The following ADGRA1 variants were observed in gnomAD, a reference collection of about 807,000 sequenced individuals.
ADGRA1 encodes the protein G-protein coupled receptor 123.
Under a neutral mutation model 21.3 loss-of-function variants are expected in ADGRA1, and 12 were observed. The ratio of observed to expected loss-of-function variants is 0.56; its 90% CI spans 0.36 to 0.91. The LOEUF is 0.91. Ranked by LOEUF, ADGRA1 falls within the 40% of genes least tolerant of loss-of-function variation. The pLI, the probability that ADGRA1 is intolerant of heterozygous loss-of-function variation, is 0.01. For synonymous variants in ADGRA1, 385 were observed against 368.8 expected (o/e 1.04, Z -0.50); for missense variants, 790 against 805.6 (o/e 0.98, Z 0.23).
At chr10:133,121,280 A>G (rs1192960186) in intron 5 of ADGRA1, among the ~76,000 whole-genome samples, 1 of 152,234 alleles carries the variant, frequency 6.6e-6, no homozygotes, top group Non-Finnish European at 1.5e-5. Flanking sequence ...CGGGGTTCCC[A>G]CAGCCTCCAC....
intron 4 of ADGRA1, among the ~76,000 whole-genome samples, chr10:133,100,308 C>A (rs1311567357): frequency 1.3e-5 from 2 of 152,220 alleles, no homozygotes; most frequent in African/African-American, 4.8e-5. Context: ...AGCAAGTGCC[C>A]GGGAAACGCC....
intron 3 of ADGRA1, among the ~76,000 whole-genome samples, chr10:133,097,985 G>C (rs7086622): frequency 0.02 from 3,075 of 152,308 alleles, 83 homozygotes; most frequent in African/African-American, 0.069. Flanking sequence ...GGTGGTTAGT[G>C]CCGTCCTACC....
chr10:133,109,429 C>G (rs570091774), intron 5 of ADGRA1, among the ~76,000 whole-genome samples: 1 of 152,134 alleles, frequency 6.6e-6, no homozygotes, highest in African/African-American at 2.4e-5. Context: ...TGCTTGCCCC[C>G]ACGACCACTC....
chr10:133,122,861 G>A (rs972718120), intron 5 of ADGRA1, among the ~76,000 whole-genome samples: 3 of 150,846 alleles, frequency 2.0e-5, no homozygotes, highest in East Asian at 1.9e-4. Context: ...AGGCACACGC[G>A]TCCCCAGGCT....
rs192517471 is a variant in ADGRA1, at chr10:133,102,166, G to A, written c.256-531G>A. 5.5e-3 allele frequency: 2,493 copies of A among 452,302 alleles called. 12 individuals carry two copies. Among genetic ancestry groups the A allele is most frequent in the Non-Finnish European group, 7.7e-3 (1,722 of 224,062 alleles). 28.0% of individuals were successfully genotyped at this position (452,302 alleles called of 1,614,324 possible). A position where few individuals can be genotyped will look rare whatever the true frequency, so the allele number is the denominator to read the frequency against. On this transcript the variant is annotated intron_variant, in intron 4 of 6. Coordinates refer to ENST00000392607, the MANE Select transcript of ADGRA1 (RefSeq NM_001083909.3). ...GCAGGGCCACACGAATGCCGGCCCC[G>A]TGGGGGGCTCATCCCACCCACAGTA...
At chr10:133,089,025 A>G (rs1363663910) in intron 2 of ADGRA1, 113 bp downstream of exon 2, 16 of 1,234,254 alleles carry the variant, frequency 1.3e-5, no homozygotes, top group Non-Finnish European at 1.4e-5. Flanking sequence ...CGAGCTGGTG[A>G]CCGGGCTTCC....
chr10:133,127,085 GGGGGTCGGGGGT>G, intron 5 of ADGRA1, 136 bp from the exon 6 acceptor site: 1 of 464,668 alleles, frequency 2.2e-6, no homozygotes. Context: ...GTCGGGGGTC[GGGGGTCGGGGGT>G]CGGGGTTCTT....
At chr10:133,091,603 C>T (rs1048212755) in intron 2 of ADGRA1, among the ~76,000 whole-genome samples, 3 of 152,198 alleles carry the variant, frequency 2.0e-5, no homozygotes, top group African/African-American at 7.2e-5. Context: ...TCAAAGGGGA[C>T]TCAACCGAGC....
intron 2 of ADGRA1, among the ~76,000 whole-genome samples, chr10:133,094,979 G>C (rs1483455682): frequency 6.6e-6 from 1 of 152,136 alleles, no homozygotes; most frequent in East Asian, 1.9e-4. Context: ...GGAAGTGGGC[G>C]CCTACTAAAC....
Position 133,095,558 on chromosome 10 carries a change from C to G in ADGRA1, c.4-1416C>G, listed in dbSNP as rs571164105. 1.4e-5 allele frequency: 19 copies of G among 1,395,282 alleles called. No homozygotes were observed. The South Asian group carries it at 2.8e-4, about 20-fold the overall frequency. 86.4% of individuals were successfully genotyped at this position (1,395,282 alleles called of 1,614,324 possible). A position where few individuals can be genotyped will look rare whatever the true frequency, so the allele number is the denominator to read the frequency against. On this transcript the variant is annotated intron_variant, in intron 2 of 6. Transcript: ENST00000392607. ...GGCTCCTCGTCCCGGGATGCAGGGC[C>G]CCTCCGGTGCCCGCCTGGCCAGTGC...
intron 5 of ADGRA1, among the ~76,000 whole-genome samples, chr10:133,124,517 C>T (rs1030313840): frequency 3.3e-5 from 5 of 152,384 alleles, no homozygotes; most frequent in East Asian, 1.9e-4. Flanking sequence ...GCGTGCGAGC[C>T]GCTGCCCCAA....
chr10:133,124,989 T>C (rs987346883), intron 5 of ADGRA1, among the ~76,000 whole-genome samples: 6 of 152,230 alleles, frequency 3.9e-5, no homozygotes, highest in Non-Finnish European at 8.8e-5. Context: ...CCTGCACCAC[T>C]CCTGTGTGCT....
Position 133,106,828 on chromosome 10 carries a change from C to T in ADGRA1, c.401+3986C>T, listed in dbSNP as rs12356997. On this transcript the variant is annotated intron_variant, in intron 5 of 6. Transcript: ENST00000392607. Reference sequence around the variant, plus strand: ...GTCTCTGCACACAGTCTCACCCCCGCGGCTCAGAGTGCCCATCGCGGGCTC... The same window carrying T: ...GTCTCTGCACACAGTCTCACCCCCGTGGCTCAGAGTGCCCATCGCGGGCTC... Among the ~76,000 whole-genome samples the T allele has an allele frequency of 9.3e-3, 1,412 of 152,350 alleles. 14 individuals are homozygous for T. The highest frequency in any genetic ancestry group is 0.01 in the Non-Finnish European group (712 of 68,036).
At chr10:133,106,241 G>T (rs1427599654) in intron 5 of ADGRA1, among the ~76,000 whole-genome samples, 1 of 152,196 alleles carries the variant, frequency 6.6e-6, no homozygotes, top group African/African-American at 2.4e-5. Context: ...GGGCGCCGGA[G>T]CCCCTGCTGG....
chr10:133,102,857 T>C lies in ADGRA1; in HGVS notation c.401+15T>C. On this transcript the variant is annotated intron_variant, in intron 5 of 6. Coordinates refer to ENST00000392607, the MANE Select transcript of ADGRA1 (RefSeq NM_001083909.3). Reference sequence around the variant, plus strand: ...CCCCTGCTCAGGTACTGAGTGCACATGGGCGCGAGGCCCCGCCACCTGGGC... The same window carrying C: ...CCCCTGCTCAGGTACTGAGTGCACACGGGCGCGAGGCCCCGCCACCTGGGC... 1 of 1,597,938 alleles carries C rather than the reference T, an allele frequency of 6.3e-7. No individual in the cohort carries two copies.
In ADGRA1 at chr10:133,131,387, G is replaced by A. The variant is rs1852523866; in HGVS notation, c.*1876G>A. 2 of 152,290 alleles carry A rather than the reference G, an allele frequency of 1.3e-5. No individual in the cohort carries two copies. The highest frequency in any genetic ancestry group is 4.1e-4 in the South Asian group (2 of 4,834). The allele number at this position is 152,290 out of a possible 1,614,324, so 9.4% of individuals were successfully genotyped here. On this transcript the variant is annotated 3_prime_UTR_variant, in exon 7 of 7. Coordinates refer to ENST00000392607, the MANE Select transcript of ADGRA1 (RefSeq NM_001083909.3). Reference sequence around the variant, plus strand: ...CACGCTGTGCTGTGTACGCACTGTAGGTGCAGAACCGTCCACACAAAAATA... The same window carrying A: ...CACGCTGTGCTGTGTACGCACTGTAAGTGCAGAACCGTCCACACAAAAATA...
At chr10:133,111,772 TCCCTCCTAATCCCTCCA>T (rs1852015386) in intron 5 of ADGRA1, among the ~76,000 whole-genome samples, 1 of 135,516 alleles carries the variant, frequency 7.4e-6, no homozygotes, top group Admixed American at 7.4e-5. Context: ...CACAGACACC[TCCCTCCTAATCCCTCCA>T]GACCACCTGC....
intron 5 of ADGRA1, among the ~76,000 whole-genome samples, chr10:133,122,769 G>A (rs1191172595): frequency 7.9e-5 from 12 of 151,278 alleles, no homozygotes; most frequent in Non-Finnish European, 2.9e-5. Flanking sequence ...CCTGGCCCTG[G>A]GGCCTCCTTG....
chr10:133,090,064 G>A (rs917383543), intron 2 of ADGRA1, among the ~76,000 whole-genome samples: 1 of 152,254 alleles, frequency 6.6e-6, no homozygotes, highest in African/African-American at 2.4e-5. Context: ...ACCCTTATTT[G>A]CAAAATGGAA....
Sources: allele counts gnomAD v4.1 joint callset (sites outside exome capture counted in the v4.1 genomes callset), GRCh38; gene constraint gnomAD v4.1.1; transcripts MANE v1.5; gene names NCBI Gene and HGNC (gene_info 2026-07-23, HGNC 2026-07-21).